C10orf53: variants seen among roughly 807,000 people sequenced by gnomAD.
C10orf53 encodes UPF0728 protein C10orf53.
Under a neutral mutation model 9.4 loss-of-function variants are expected in C10orf53, and 8 were observed. That is an observed-to-expected ratio of 0.85 (90% CI 0.50 to 1.53). The LOEUF is 1.53. Ranked by LOEUF, C10orf53 falls within the 40% of genes most tolerant of loss-of-function variation. The pLI is 0.00. For missense variants in C10orf53, 117 were observed against 117.8 expected, an observed-to-expected ratio of 0.99 and a Z score of 0.03; for synonymous variants, 48 against 46.0, an observed-to-expected ratio of 1.04 and a Z score of -0.18.
intron 1 of C10orf53, among the ~76,000 whole-genome samples, chr10:49,689,111 G>A (rs541248902): frequency 6.6e-6 from 1 of 152,158 alleles, no homozygotes; most frequent in Non-Finnish European, 1.5e-5. Context: ...ATCAACCTGC[G>A]TAAAGCCGAA....
chr10:49,686,150 A>C (rs1468792423), intron 1 of C10orf53, among the ~76,000 whole-genome samples: 1 of 152,236 alleles, frequency 6.6e-6, no homozygotes, highest in Non-Finnish European at 1.5e-5. Flanking sequence ...ATCAGTTCCC[A>C]AAATTAATAC....
chr10:49,684,947 G>C (rs1031894787), intron 1 of C10orf53, among the ~76,000 whole-genome samples: 1 of 152,152 alleles, frequency 6.6e-6, no homozygotes, highest in Non-Finnish European at 1.5e-5. Flanking sequence ...AGGGGAAAAC[G>C]TTCAGTGGGC....
intron 1 of C10orf53, among the ~76,000 whole-genome samples, chr10:49,692,581 C>G (rs185954289): frequency 6.6e-6 from 1 of 152,200 alleles, no homozygotes; most frequent in African/African-American, 2.4e-5. Flanking sequence ...TCTGTTTTCT[C>G]TTTCCATCCT....
At chr10:49,685,781 AT>A (rs1441727917) in intron 1 of C10orf53, among the ~76,000 whole-genome samples, 1 of 152,102 alleles carries the variant, frequency 6.6e-6, no homozygotes, top group Non-Finnish European at 1.5e-5. Flanking sequence ...TCTTTTGACA[AT>A]TTGTTTATAA....
chr10:49,679,689 G>T lies in C10orf53; in HGVS notation c.-9G>T, dbSNP rs1840459545. 1 of 1,545,712 alleles carries T rather than the reference G, an allele frequency of 6.5e-7. No homozygotes were observed. The highest frequency in any genetic ancestry group is 1.2e-5 in the South Asian group (1 of 83,504). On this transcript the variant is annotated 5_prime_UTR_variant, in exon 1 of 3. It adds an upstream start codon to the 5' untranslated region. Coordinates refer to ENST00000374111, the MANE Select transcript of C10orf53 (RefSeq NM_001042427.3). ...TCTCCCTTGCCTCTGCGGCGGCGGA[G>T]GCCTGGCGATGCCCAAGAACGCAGT...
At chr10:49,702,035 C>T (rs1350846116), downstream of C10orf53, among the ~76,000 whole-genome samples, 2 of 152,008 alleles carry the variant, frequency 1.3e-5, no homozygotes, top group Non-Finnish European at 2.9e-5. Context: ...AACCCCGTCT[C>T]TACTAACAAA....
intron 1 of C10orf53, among the ~76,000 whole-genome samples, chr10:49,683,914 C>G (rs1840503511): frequency 6.6e-6 from 1 of 152,116 alleles, no homozygotes; most frequent in Admixed American, 6.5e-5. Context: ...AGAAAGAAAC[C>G]ATTGTCAAAT....
rs186080272 is a variant in C10orf53, at chr10:49,687,365, A to G, written c.98-6409A>G. Among the ~76,000 whole-genome samples the G allele has an allele frequency of 3.3e-5, 5 of 152,352 alleles. No homozygotes were observed. In the East Asian group the frequency reaches 5.8e-4, roughly 18 times the overall value. ...AAACTCCCCATCTAGTTTGTCCACA[A>G]ATCATGTCAGCTTTAGTTGTCACCT... On this transcript the variant is annotated intron_variant, in intron 1 of 2. Transcript: ENST00000374111.
chr10:49,691,589 C>T (rs1840584527), intron 1 of C10orf53, among the ~76,000 whole-genome samples: 1 of 152,198 alleles, frequency 6.6e-6, no homozygotes, highest in African/African-American at 2.4e-5. Flanking sequence ...GCTTCATTTG[C>T]TCGAAGATGA....
At chr10:49,699,802 C>G (rs995535735), downstream of C10orf53, among the ~76,000 whole-genome samples, 3 of 152,154 alleles carry the variant, frequency 2.0e-5, no homozygotes, top group African/African-American at 7.2e-5. Context: ...ATTTGCAGAT[C>G]TATGAAATAA....
chr10:49,694,321 T>A (rs996872680), intron 2 of C10orf53: 4 of 643,646 alleles, frequency 6.2e-6, no homozygotes, highest in Non-Finnish European at 1.0e-5. Context: ...AACATTCAAA[T>A]GAGAGCTTCT....
At chr10:49,705,602 C>T (rs946259700) in intron 2 of C10orf53, among the ~76,000 whole-genome samples, 2 of 151,996 alleles carry the variant, frequency 1.3e-5, no homozygotes, top group African/African-American at 4.8e-5. Flanking sequence ...GGACCCCTAC[C>T]TCACACCATA....
At chr10:49,690,572 A>G (rs750316193) in intron 1 of C10orf53, among the ~76,000 whole-genome samples, 1 of 152,226 alleles carries the variant, frequency 6.6e-6, no homozygotes, top group African/African-American at 2.4e-5. Context: ...ATGAATTATA[A>G]TAACTCAGCA....
chr10:49,694,628 G>A lies in C10orf53; in HGVS notation c.*26G>A, dbSNP rs775829298. 1.9e-6 allele frequency: 3 copies of A among 1,614,126 alleles called. No homozygotes were observed. The highest frequency in any genetic ancestry group is 2.2e-5 in the East Asian group (1 of 44,880). On this transcript the variant is annotated 3_prime_UTR_variant, in exon 3 of 3. Coordinates refer to ENST00000374111, the MANE Select transcript of C10orf53 (RefSeq NM_001042427.3). The stretch of plus-strand genomic sequence containing the variant: ...TCTCCTCATGGAACAGGCATCTCAA[G>A]TCGGCACAACAGCAGCTGCCCCAGC...
rs1042769676 is a variant in C10orf53 at position 49,679,684 on chromosome 10, G to C, written c.-14G>C. The C allele has an allele frequency of 2.6e-6, 4 of 1,545,260 alleles. No homozygotes were observed. Among genetic ancestry groups the C allele is most frequent in the Non-Finnish European group, 3.5e-6 (4 of 1,144,758 alleles). Reference sequence around the variant, plus strand: ...GTGTTTCTCCCTTGCCTCTGCGGCGGCGGAGGCCTGGCGATGCCCAAGAAC... The same window carrying C: ...GTGTTTCTCCCTTGCCTCTGCGGCGCCGGAGGCCTGGCGATGCCCAAGAAC... On this transcript the variant is annotated 5_prime_UTR_variant, in exon 1 of 3. Coordinates refer to ENST00000374111, the MANE Select transcript of C10orf53 (RefSeq NM_001042427.3).
chr10:49,704,850 G>C (rs996418707), intron 2 of C10orf53, among the ~76,000 whole-genome samples: 6 of 152,230 alleles, frequency 3.9e-5, no homozygotes, highest in African/African-American at 1.4e-4. Context: ...GGCAGAGTAA[G>C]TTGACAAAAT....
chr10:49,685,548 TAC>T (rs553802303), intron 1 of C10orf53, among the ~76,000 whole-genome samples: 4 of 151,482 alleles, frequency 2.6e-5, no homozygotes, highest in African/African-American at 7.3e-5. Flanking sequence ...TATGTATATG[TAC>T]ACACACACAC....
At chr10:49,688,114 T>C (rs1047408497) in intron 1 of C10orf53, among the ~76,000 whole-genome samples, 2 of 152,114 alleles carry the variant, frequency 1.3e-5, no homozygotes, top group African/African-American at 4.8e-5. Context: ...GCCACTGCCA[T>C]GTTGAGTAGG....
intron 1 of C10orf53, among the ~76,000 whole-genome samples, chr10:49,693,198 C>T (rs1445417368): frequency 6.6e-6 from 1 of 152,134 alleles, no homozygotes; most frequent in South Asian, 2.1e-4. Context: ...TTTGGCCGTC[C>T]TCTCATTATT....
Sources: allele counts gnomAD v4.1 joint callset (sites outside exome capture counted in the v4.1 genomes callset), GRCh38; gene constraint gnomAD v4.1.1; transcripts MANE v1.5; gene names NCBI Gene and HGNC (gene_info 2026-07-23, HGNC 2026-07-21).